PTPRD: variants seen among roughly 807,000 people sequenced by gnomAD.
PTPRD encodes protein tyrosine phosphatase receptor type D.
Under a neutral mutation model 214.5 loss-of-function variants are expected in PTPRD, and 34 were observed. The ratio of observed to expected loss-of-function variants is 0.16; its 90% CI spans 0.12 to 0.21. PTPRD has a LOEUF of 0.21. Ranked by LOEUF, PTPRD falls within the 10% of genes least tolerant of loss-of-function variation. The pLI is 1.00. For missense variants in PTPRD, 2,545 were observed against 2,398.7 expected, an observed-to-expected ratio of 1.06 and a Z score of -1.27; for synonymous variants, 1,128 against 845.7, an observed-to-expected ratio of 1.33 and a Z score of -5.79.
At chr9:9,240,871 C>T (rs2099970037) in intron 9 of PTPRD, among the ~76,000 whole-genome samples, 1 of 152,086 alleles carries the variant, frequency 6.6e-6, no homozygotes, top group Non-Finnish European at 1.5e-5. Flanking sequence ...AAGTTTTTGA[C>T]ATCCAAATAG....
intron 3 of PTPRD, among the ~76,000 whole-genome samples, chr9:10,139,274 T>C (rs1564066283): frequency 6.9e-6 from 1 of 145,348 alleles, no homozygotes; most frequent in Non-Finnish European, 1.5e-5. Flanking sequence ...TGCAAACCAA[T>C]TTATAATAGC....
chr9:8,743,152 C>T (rs1010589963), intron 11 of PTPRD, among the ~76,000 whole-genome samples: 10 of 149,982 alleles, frequency 6.7e-5, no homozygotes, highest in Admixed American at 6.0e-4. Context: ...TAATACATTG[C>T]TTTCTAAACC....
At chr9:9,110,518 C>T (rs1244385276) in intron 10 of PTPRD, among the ~76,000 whole-genome samples, 1 of 152,098 alleles carries the variant, frequency 6.6e-6, no homozygotes, top group African/African-American at 2.4e-5. Flanking sequence ...ACCTCTTCTT[C>T]TCCACTCTTG....
chr9:8,520,851 CTTTT>C, intron 20 of PTPRD, among the ~76,000 whole-genome samples: 1 of 151,588 alleles, frequency 6.6e-6, no homozygotes, highest in Non-Finnish European at 1.5e-5. Flanking sequence ...TTGATTTCAA[CTTTT>C]TTTTTCTTCT....
At chr9:9,325,865 C>T (rs1280419157) in intron 9 of PTPRD, among the ~76,000 whole-genome samples, 1 of 152,082 alleles carries the variant, frequency 6.6e-6, no homozygotes, top group African/African-American at 2.4e-5. Context: ...GAGATATGTT[C>T]CATCAATACT....
chr9:10,241,147 G>C (rs548214452), intron 3 of PTPRD, among the ~76,000 whole-genome samples: 6 of 151,828 alleles, frequency 4.0e-5, no homozygotes, highest in Non-Finnish European at 8.8e-5. Flanking sequence ...ACCATGATGA[G>C]ATACTACTCT....
At chr9:8,619,108 A>G (rs1564760055) in intron 14 of PTPRD, among the ~76,000 whole-genome samples, 1 of 151,662 alleles carries the variant, frequency 6.6e-6, no homozygotes, top group Non-Finnish European at 1.5e-5. Flanking sequence ...ACCACATACA[A>G]AATGATGTTT....
intron 2 of PTPRD, among the ~76,000 whole-genome samples, chr9:10,505,245 G>A (rs1439005315): frequency 2.0e-5 from 3 of 152,160 alleles, no homozygotes; most frequent in African/African-American, 7.2e-5. Context: ...CAAAAGTGCT[G>A]TTGCAGTCAC....
chr9:10,184,936 G>A (rs534701355), intron 3 of PTPRD, among the ~76,000 whole-genome samples: 6 of 152,172 alleles, frequency 3.9e-5, no homozygotes, highest in African/African-American at 1.4e-4. Flanking sequence ...ATGTAATAAA[G>A]GTCTATAACC....
At chr9:8,795,652 C>T (rs968700393) in intron 11 of PTPRD, among the ~76,000 whole-genome samples, 1 of 152,098 alleles carries the variant, frequency 6.6e-6, no homozygotes, top group Admixed American at 6.6e-5. Flanking sequence ...GTAATATTTT[C>T]ATCATAGCCC....
intron 8 of PTPRD, among the ~76,000 whole-genome samples, chr9:9,540,034 C>T (rs1029761774): frequency 2.0e-5 from 3 of 151,772 alleles, no homozygotes; most frequent in Non-Finnish European, 2.9e-5. Context: ...CTCCCCCTTT[C>T]ACTCTTCCCC....
At chr9:9,236,984 G>C (rs2099967198) in intron 9 of PTPRD, among the ~76,000 whole-genome samples, 2 of 152,068 alleles carry the variant, frequency 1.3e-5, no homozygotes, top group Admixed American at 6.6e-5. Context: ...AGGCTTATTA[G>C]TTTTTGTCTG....
At chr9:9,740,419 G>T (rs1212099704) in intron 6 of PTPRD, among the ~76,000 whole-genome samples, 1 of 151,068 alleles carries the variant, frequency 6.6e-6, no homozygotes, top group Non-Finnish European at 1.5e-5. Flanking sequence ...GTGCAGTGGC[G>T]TAATCTGGGC....
chr9:8,331,547 A>ACTTATCACTGCTT, intron 44 of PTPRD, 35 bp downstream of exon 44: 1 of 1,491,694 alleles, frequency 6.7e-7, no homozygotes. Flanking sequence ...AAACACCACC[A>ACTTATCACTGCTT]CTTATCACTG....
At chr9:9,260,317 A>G (rs913390667) in intron 9 of PTPRD, among the ~76,000 whole-genome samples, 7 of 151,824 alleles carry the variant, frequency 4.6e-5, no homozygotes. Context: ...GACTCCAAAG[A>G]CTACTGTAAA....
intron 21 of PTPRD, among the ~76,000 whole-genome samples, chr9:8,510,905 A>G (rs1390765774): frequency 6.6e-6 from 1 of 152,126 alleles, no homozygotes; most frequent in Non-Finnish European, 1.5e-5. Context: ...TTTTCTCTGG[A>G]ACACTTGAGA....
intron 9 of PTPRD, among the ~76,000 whole-genome samples, chr9:9,272,169 G>A (rs1032623378): frequency 6.6e-6 from 1 of 150,976 alleles, no homozygotes; most frequent in African/African-American, 2.4e-5. Flanking sequence ...AAATATACTT[G>A]AAACTGCATA....
chr9:8,380,790 A>G (rs1172970056), intron 37 of PTPRD, among the ~76,000 whole-genome samples: 1 of 152,166 alleles, frequency 6.6e-6, no homozygotes, highest in African/African-American at 2.4e-5. Flanking sequence ...TTTTACTCCC[A>G]TATGGCTTAC....
At chr9:8,441,012 C>T (rs1249523933) in intron 34 of PTPRD, among the ~76,000 whole-genome samples, 5 of 152,184 alleles carry the variant, frequency 3.3e-5, no homozygotes, top group South Asian at 2.1e-4. Context: ...ACGGCATTTG[C>T]GATCTTCTAA....
Sources: allele counts gnomAD v4.1 joint callset (sites outside exome capture counted in the v4.1 genomes callset), GRCh38; gene constraint gnomAD v4.1.1; transcripts MANE v1.5; gene names NCBI Gene and HGNC (gene_info 2026-07-23, HGNC 2026-07-21).